Variants in BANF2 observed in about 807,000 individuals in gnomAD.
BANF2 encodes barrier-to-autointegration factor-like protein.
Under a neutral mutation model 8.0 loss-of-function variants are expected in BANF2, and 4 were observed. The ratio of observed to expected loss-of-function variants is 0.50; its 90% confidence interval spans 0.25 to 1.14. The LOEUF (loss-of-function observed/expected upper bound fraction) is 1.14. Among genes scored for constraint, BANF2 ranks in the 50% most tolerant of loss-of-function variants. The pLI, the probability that BANF2 is intolerant of heterozygous loss-of-function variation, is 0.16. For missense variants in BANF2, 96 were observed against 107.5 expected, an observed-to-expected ratio of 0.89 and a Z score of 0.47; for synonymous variants, 50 against 40.6, an observed-to-expected ratio of 1.23 and a Z score of -0.88.
upstream of BANF2, among the ~76,000 whole-genome samples, chr20:17,699,525 G>T (rs1236905121): frequency 2.0e-5 from 3 of 152,130 alleles, no homozygotes; most frequent in South Asian, 2.1e-4. Context: ...GGAAAGTCAC[G>T]GGTATACTGG....
chr20:17,710,276 G>GTTGT (rs1180246540), intron 1 of BANF2, among the ~76,000 whole-genome samples: 1 of 152,180 alleles, frequency 6.6e-6, no homozygotes, highest in African/African-American at 2.4e-5. Context: ...AACTGTCCTT[G>GTTGT]TTGTTCTGAC....
intron 1 of BANF2, among the ~76,000 whole-genome samples, chr20:17,701,722 A>G (rs531251435): frequency 6.6e-6 from 1 of 152,318 alleles, no homozygotes; most frequent in Admixed American, 6.5e-5. Context: ...CTGTTAGGCA[A>G]GGAGAACTGG....
At chr20:17,725,613 C>G (rs2037797990) in intron 3 of BANF2, among the ~76,000 whole-genome samples, 1 of 152,230 alleles carries the variant, frequency 6.6e-6, no homozygotes, top group Non-Finnish European at 1.5e-5. Context: ...TATGATGTCA[C>G]TCTCAGCCCA....
upstream of BANF2, among the ~76,000 whole-genome samples, chr20:17,698,351 G>A (rs907733901): frequency 1.3e-5 from 2 of 152,242 alleles, no homozygotes; most frequent in African/African-American, 4.8e-5. Flanking sequence ...AAGCAAAGCA[G>A]GTGCTGGCAC....
chr20:17,717,281 C>G (rs775902743), intron 1 of BANF2, among the ~76,000 whole-genome samples: 1 of 151,998 alleles, frequency 6.6e-6, no homozygotes, highest in African/African-American at 2.4e-5. Flanking sequence ...ATGCTCTCCC[C>G]GCTGCTTGTT....
intron 1 of BANF2, among the ~76,000 whole-genome samples, chr20:17,713,079 G>T (rs748191074): frequency 6.6e-6 from 1 of 151,184 alleles, no homozygotes; most frequent in Non-Finnish European, 1.5e-5. Flanking sequence ...GAGACCCCCC[G>T]ATCTCTACGA....
intron 1 of BANF2, among the ~76,000 whole-genome samples, chr20:17,700,768 A>G (rs147773232): frequency 1.3e-5 from 2 of 152,304 alleles, no homozygotes; most frequent in Non-Finnish European, 2.9e-5. Flanking sequence ...CACTCGGCTG[A>G]GGGTGGTTTG....
chr20:17,729,203 C>G (rs1568819755), intron 3 of BANF2, among the ~76,000 whole-genome samples: 1 of 152,196 alleles, frequency 6.6e-6, no homozygotes, highest in Non-Finnish European at 1.5e-5. Context: ...GGCTCTAGCT[C>G]TGTCTTGTCT....
At chr20:17,698,651 A>T (rs1424637970), upstream of BANF2, among the ~76,000 whole-genome samples, 1 of 152,234 alleles carries the variant, frequency 6.6e-6, no homozygotes, top group Non-Finnish European at 1.5e-5. Flanking sequence ...AGCAGCTGGC[A>T]AAAGCCCCCA....
chr20:17,711,338 T>A (rs1293636300), intron 1 of BANF2, among the ~76,000 whole-genome samples: 3 of 152,074 alleles, frequency 2.0e-5, no homozygotes, highest in African/African-American at 7.2e-5. Flanking sequence ...CACAGTGGAG[T>A]CAGTTACAGA....
At chr20:17,702,600 C>T (rs2037425206) in intron 1 of BANF2, among the ~76,000 whole-genome samples, 2 of 152,140 alleles carry the variant, frequency 1.3e-5, no homozygotes, top group African/African-American at 2.4e-5. Context: ...GGATAGGACC[C>T]GTGTGCAACT....
intron 3 of BANF2, among the ~76,000 whole-genome samples, chr20:17,726,007 T>A (rs192184553): frequency 6.6e-6 from 1 of 152,272 alleles, no homozygotes; most frequent in Admixed American, 6.5e-5. Flanking sequence ...CTGCACTAGC[T>A]GGTAAATACT....
At chr20:17,712,884 C>G (rs900743774) in intron 1 of BANF2, among the ~76,000 whole-genome samples, 6 of 152,270 alleles carry the variant, frequency 3.9e-5, no homozygotes, top group Admixed American at 2.0e-4. Flanking sequence ...AGCAACCCAG[C>G]TTCCCATGAT....
intron 1 of BANF2, among the ~76,000 whole-genome samples, chr20:17,702,624 G>A (rs576347711): frequency 2.0e-5 from 3 of 152,166 alleles, no homozygotes; most frequent in Non-Finnish European, 2.9e-5. Flanking sequence ...TGTGGACTTG[G>A]CTTCTTGCTG....
At chr20:17,719,483 T>C (rs1425161212) in intron 1 of BANF2, among the ~76,000 whole-genome samples, 1 of 151,934 alleles carries the variant, frequency 6.6e-6, no homozygotes, top group Non-Finnish European at 1.5e-5. Flanking sequence ...TTGGTTTTCT[T>C]ATGGGAGAAA....
At chr20:17,709,356 G>T (rs1015751194) in intron 1 of BANF2, among the ~76,000 whole-genome samples, 5 of 152,196 alleles carry the variant, frequency 3.3e-5, no homozygotes, top group African/African-American at 9.7e-5. Flanking sequence ...GGCCTAGCAG[G>T]CAAGGGCAGG....
intron 3 of BANF2, among the ~76,000 whole-genome samples, chr20:17,734,507 T>G (rs2037947430): frequency 6.6e-6 from 1 of 152,190 alleles, no homozygotes; most frequent in South Asian, 2.1e-4. Flanking sequence ...TCAGGTTACA[T>G]GAGTTGCCTG....
intron 1 of BANF2, among the ~76,000 whole-genome samples, chr20:17,694,597 C>CTTTTTTT (rs2037327197): frequency 2.8e-5 from 1 of 36,278 alleles, no homozygotes; most frequent in African/African-American, 7.3e-5. Context: ...TGTTTTTTCT[C>CTTTTTTT]TCTCTTTTTT....
chr20:17,716,841 C>CAAAAAAAA (rs36007590), intron 1 of BANF2, among the ~76,000 whole-genome samples: 2 of 89,854 alleles, frequency 2.2e-5, no homozygotes, highest in African/African-American at 4.4e-5. Context: ...GACTCCATCT[C>CAAAAAAAA]AAAAAAAAAA....
Sources: gnomAD v4.1 joint callset for allele counts (sites outside exome capture counted in the v4.1 genomes callset) on GRCh38, gnomAD v4.1.1 for gene constraint, MANE v1.5 for transcripts, NCBI Gene and HGNC (gene_info 2026-07-23, HGNC 2026-07-21) for gene names.